Variants in TFAM observed in about 807,000 individuals in gnomAD.
TFAM encodes mitochondrial transcription factor 1.
Under a neutral mutation model 30.6 loss-of-function variants are expected in TFAM, and 13 were observed. The ratio of observed to expected loss-of-function variants is 0.42; its 90% CI spans 0.28 to 0.67. TFAM has a LOEUF of 0.67. Ranked by LOEUF, TFAM falls within the 30% of genes least tolerant of loss-of-function variation. The probability of loss-of-function intolerance (pLI) is 0.21; values close to 1 mark genes in which losing one functional copy is unlikely to be tolerated. For synonymous variants in TFAM, 106 were observed against 94.8 expected, an observed-to-expected ratio of 1.12 and a Z score of -0.69; for missense variants, 231 against 293.7, an observed-to-expected ratio of 0.79 and a Z score of 1.56.
rs1010755076 is a variant in TFAM, at chr10:58,386,527, A to C, written c.220+189A>C. The C allele has an allele frequency of 4.1e-6, 3 of 728,472 alleles. No individual in the cohort carries two copies. In the East Asian group the frequency reaches 8.8e-5, roughly 21 times the overall value. 45.1% of individuals were successfully genotyped at this position (728,472 alleles called of 1,614,324 possible). On this transcript the variant is annotated intron_variant, in intron 2 of 6. Coordinates refer to ENST00000487519, the MANE Select transcript of TFAM (RefSeq NM_003201.3). ...TTTAAATATAAATGAGAACTAGTAAATGGTATTTTAAAAATAACGTATAGT... is the reference window on the plus strand; with the variant it reads ...TTTAAATATAAATGAGAACTAGTAACTGGTATTTTAAAAATAACGTATAGT...
intron 1 of TFAM, 32 bp from the exon 2 acceptor site, chr10:58,386,188 A>G (rs1478287721): frequency 1.5e-6 from 2 of 1,371,262 alleles, no homozygotes; most frequent in Admixed American, 3.3e-5. Context: ...TAAACATCTG[A>G]CACTGGTTAT....
At chr10:58,391,180 A>C (rs1203612305) in intron 5 of TFAM, among the ~76,000 whole-genome samples, 7 of 152,134 alleles carry the variant, frequency 4.6e-5, no homozygotes, top group Non-Finnish European at 1.5e-5. Context: ...CACTAGAAAG[A>C]ATGAGAGTAG....
intron 5 of TFAM, among the ~76,000 whole-genome samples, chr10:58,391,972 C>A (rs1255412030): frequency 6.8e-6 from 1 of 147,534 alleles, no homozygotes; most frequent in Non-Finnish European, 1.5e-5. Context: ...TCAAACTCCT[C>A]GGTATTCACC....
chr10:58,387,998 C>G (rs1840521896), intron 2 of TFAM, among the ~76,000 whole-genome samples, 192 bp from the exon 3 acceptor site: 1 of 151,556 alleles, frequency 6.6e-6, no homozygotes, highest in African/African-American at 2.4e-5. Flanking sequence ...ATGGTATACT[C>G]CTTAGTTGTT....
chr10:58,386,132 TTTC>T (rs1328266844), intron 1 of TFAM, 85 bp from the exon 2 acceptor site: 1 of 907,938 alleles, frequency 1.1e-6, no homozygotes, highest in Non-Finnish European at 1.9e-6. Flanking sequence ...CTTGATGACA[TTTC>T]TTATTTGGGA....
At chr10:58,386,627 AT>A (rs1229323534) in intron 2 of TFAM, 1 of 1,195,836 alleles carries the variant, frequency 8.4e-7, no homozygotes, top group Non-Finnish European at 1.0e-6. Context: ...AGGACCACTG[AT>A]GAATTATTTT....
chr10:58,394,641 C>A (rs1840650806), intron 6 of TFAM: 2 of 672,534 alleles, frequency 3.0e-6, no homozygotes, highest in Non-Finnish European at 2.7e-6. Flanking sequence ...CCTGAGTGTC[C>A]ACTTATTCAG....
At chr10:58,392,704 G>A (rs1840619099) in intron 5 of TFAM, among the ~76,000 whole-genome samples, 1 of 151,372 alleles carries the variant, frequency 6.6e-6, no homozygotes, top group Admixed American at 6.6e-5. Context: ...TTTGAGACAG[G>A]CAGCCTGTTA....
At position 58,388,669 on chromosome 10, in the gene TFAM, G is replaced by A; in HGVS notation, c.292-1G>A. 1.9e-6 allele frequency: 3 copies of A among 1,613,254 alleles called. No homozygotes were observed. The highest frequency in any genetic ancestry group is 2.5e-6 in the Non-Finnish European group (3 of 1,179,788). ...GACTTACTTGGGTTTTTTATTTATA[G>A]ATATATCAAGATGCTTATAGGGCGG... On this transcript the variant is annotated splice_acceptor_variant, in intron 3 of 6. Coordinates refer to ENST00000487519, the MANE Select transcript of TFAM (RefSeq NM_003201.3). LOFTEE classifies it high-confidence loss of function.
chr10:58,387,107 C>T (rs570277482), intron 2 of TFAM, among the ~76,000 whole-genome samples: 2 of 151,870 alleles, frequency 1.3e-5, no homozygotes, highest in South Asian at 4.1e-4. Context: ...ACCAAAAATA[C>T]AAAAATGAGG....
At chr10:58,390,487 A>C (rs1285706450) in intron 4 of TFAM, among the ~76,000 whole-genome samples, 1 of 152,208 alleles carries the variant, frequency 6.6e-6, no homozygotes, top group Non-Finnish European at 1.5e-5. Flanking sequence ...GGTTTTGTAC[A>C]TATATATTCA....
chr10:58,390,893 A>T (rs1478063728), intron 5 of TFAM, 33 bp downstream of exon 5: 2 of 1,574,850 alleles, frequency 1.3e-6, no homozygotes, highest in Admixed American at 1.7e-5. Flanking sequence ...TTTAATTTTT[A>T]AAATATTTAG....
chr10:58,395,143 C>A lies in TFAM; in HGVS notation c.*69C>A. The A allele has an allele frequency of 6.7e-7, 1 of 1,493,044 alleles. No individual in the cohort carries two copies. Among genetic ancestry groups the A allele is most frequent in the Non-Finnish European group, 9.3e-7 (1 of 1,075,584 alleles). 92.5% of individuals were successfully genotyped at this position (1,493,044 alleles called of 1,614,324 possible). On this transcript the variant is annotated 3_prime_UTR_variant, in exon 7 of 7. Transcript: ENST00000487519. ...ACCAGTTAGGTCTCAATACCTGAAG[C>A]TATCGTAAAATTAAGAAAGGATAAA...
chr10:58,392,323 C>G (rs982199094), intron 5 of TFAM, among the ~76,000 whole-genome samples: 1 of 152,078 alleles, frequency 6.6e-6, no homozygotes, highest in African/African-American at 2.4e-5. Flanking sequence ...TTTCTTCTAC[C>G]TTATTGTACT....
intron 5 of TFAM, among the ~76,000 whole-genome samples, chr10:58,394,123 C>T (rs923318855): frequency 5.6e-4 from 85 of 152,230 alleles, no homozygotes; most frequent in African/African-American, 1.9e-3. Flanking sequence ...TAGTTTATGA[C>T]AACACATAGA....
chr10:58,392,632 C>T (rs1388868399), intron 5 of TFAM, among the ~76,000 whole-genome samples: 1 of 151,926 alleles, frequency 6.6e-6, no homozygotes, highest in Non-Finnish European at 1.5e-5. Flanking sequence ...CACTATTTTA[C>T]TCTCTAGAGA....
Position 58,397,473 on chromosome 10 carries a change from G to A in TFAM, c.*2399G>A, listed in dbSNP as rs893133317. The A allele has an allele frequency of 1.3e-5, 2 of 151,958 alleles. No homozygotes were observed. Among genetic ancestry groups the A allele is most frequent in the Admixed American group, 6.6e-5 (1 of 15,248 alleles). The allele number at this position is 151,958 out of a possible 1,614,324, so 9.4% of individuals were successfully genotyped here. ...TGAAAAAAGAGCAAAACTATTTTATGGTAATTTTATGGTAGTATCAGCTTG... is the reference window on the plus strand; with the variant it reads ...TGAAAAAAGAGCAAAACTATTTTATAGTAATTTTATGGTAGTATCAGCTTG... On this transcript the variant is annotated 3_prime_UTR_variant, in exon 7 of 7. Coordinates refer to ENST00000487519, the MANE Select transcript of TFAM (RefSeq NM_003201.3).
At chr10:58,391,093 AT>A (rs1027884871) in intron 5 of TFAM, among the ~76,000 whole-genome samples, 2 of 151,670 alleles carry the variant, frequency 1.3e-5, no homozygotes, top group Non-Finnish European at 2.9e-5. Flanking sequence ...AATACTTAAC[AT>A]TTTTTTTAAT....
chr10:58,385,512 G>T lies in TFAM; in HGVS notation c.-36G>T. ...TGTGTATTGCCAGGAGGCTCTCCGA[G>T]ATTGGGGTCGGGTCACTGCCTCATC... On this transcript the variant is annotated 5_prime_UTR_variant, in exon 1 of 7. Transcript: ENST00000487519. 3 of 1,507,946 alleles carry T rather than the reference G, an allele frequency of 2.0e-6. No individual in the cohort carries two copies. Among genetic ancestry groups the T allele is most frequent in the Non-Finnish European group, 1.8e-6 (2 of 1,106,574 alleles). 93.4% of individuals were successfully genotyped at this position (1,507,946 alleles called of 1,614,324 possible). A position where few individuals can be genotyped will look rare whatever the true frequency, so the allele number is the denominator to read the frequency against.
Sources: gnomAD v4.1 joint callset for allele counts (sites outside exome capture counted in the v4.1 genomes callset) on GRCh38, gnomAD v4.1.1 for gene constraint, MANE v1.5 for transcripts, NCBI Gene and HGNC (gene_info 2026-07-23, HGNC 2026-07-21) for gene names.